The following PTK2 variants were observed in gnomAD, a reference collection of about 807,000 sequenced individuals.
PTK2 encodes protein tyrosine kinase 2.
A neutral mutation model predicts 150.1 loss-of-function variants in PTK2; 45 were observed. The ratio of observed to expected loss-of-function variants is 0.30; its 90% CI spans 0.24 to 0.38. The LOEUF (loss-of-function observed/expected upper bound fraction) is 0.38, where lower values mean the gene tolerates loss of function less well. Ranked by LOEUF, PTK2 falls within the 10% of genes least tolerant of loss-of-function variation. The pLI is 1.00. For synonymous variants in PTK2, 432 were observed against 449.2 expected, an observed-to-expected ratio of 0.96 and a Z score of 0.48; for missense variants, 919 against 1,307.3, an observed-to-expected ratio of 0.70 and a Z score of 4.58.
chr8:140,815,659 G>A (rs1458640011), intron 10 of PTK2, among the ~76,000 whole-genome samples: 1 of 151,838 alleles, frequency 6.6e-6, no homozygotes, highest in Non-Finnish European at 1.5e-5. Context: ...ACATAAAAAA[G>A]TCTAGATTAA....
At chr8:140,702,605 G>T (rs1126498) in exon 25 of PTK2, 1 of 1,613,978 alleles carries the variant, frequency 6.2e-7, no homozygotes, top group South Asian at 1.1e-5. Flanking sequence ...ATCTCCTGAG[G>T]TCTATGATTC....
chr8:140,902,515 G>A (rs770498230), intron 2 of PTK2, among the ~76,000 whole-genome samples: 2 of 152,128 alleles, frequency 1.3e-5, no homozygotes, highest in Non-Finnish European at 2.9e-5. Flanking sequence ...TCTGGTTCTA[G>A]ATCCTTGAGG....
chr8:140,867,769 C>T (rs781148682), intron 4 of PTK2, among the ~76,000 whole-genome samples: 1 of 152,184 alleles, frequency 6.6e-6, no homozygotes, highest in Non-Finnish European at 1.5e-5. Context: ...GAACTTTGTT[C>T]CCTGCTTCAA....
intron 21 of PTK2, among the ~76,000 whole-genome samples, chr8:140,737,850 C>A (rs2154410905): frequency 6.6e-6 from 1 of 152,292 alleles, no homozygotes; most frequent in African/African-American, 2.4e-5. Context: ...GTGGATCACA[C>A]AGATAATAAT....
At chr8:140,755,673 G>A (rs868150673) in intron 16 of PTK2, among the ~76,000 whole-genome samples, 30 of 152,024 alleles carry the variant, frequency 2.0e-4, no homozygotes, top group Admixed American at 2.0e-4. Flanking sequence ...TTTAGCGTAC[G>A]TCTTTTTTGC....
At chr8:140,951,978 C>T (rs1209298718) in intron 1 of PTK2, among the ~76,000 whole-genome samples, 4 of 151,856 alleles carry the variant, frequency 2.6e-5, no homozygotes, top group Admixed American at 2.0e-4. Context: ...TTTGTCATCT[C>T]ACCTCTCTTT....
chr8:140,780,177 T>C (rs1459329388), intron 14 of PTK2, among the ~76,000 whole-genome samples: 1 of 152,140 alleles, frequency 6.6e-6, no homozygotes, highest in Non-Finnish European at 1.5e-5. Context: ...GCATTCCAGC[T>C]AAACAAAGGG....
At chr8:140,802,201 C>A (rs1027114489) in intron 11 of PTK2, among the ~76,000 whole-genome samples, 2 of 151,946 alleles carry the variant, frequency 1.3e-5, no homozygotes, top group African/African-American at 2.4e-5. Flanking sequence ...CCCTGAAGAC[C>A]TCCCAGTGGG....
At chr8:140,992,930 G>A (rs998208743) in intron 1 of PTK2, among the ~76,000 whole-genome samples, 1 of 152,158 alleles carries the variant, frequency 6.6e-6, no homozygotes, top group South Asian at 2.1e-4. Flanking sequence ...GGGGCATAAT[G>A]TTAAACCTTT....
intron 2 of PTK2, among the ~76,000 whole-genome samples, chr8:140,923,471 G>A (rs750885467): frequency 6.6e-6 from 1 of 152,232 alleles, no homozygotes; most frequent in Non-Finnish European, 1.5e-5. Flanking sequence ...TCAAAGAGCT[G>A]CAAAATGAGG....
At chr8:140,942,989 C>T (rs879305384) in intron 1 of PTK2, among the ~76,000 whole-genome samples, 5 of 152,162 alleles carry the variant, frequency 3.3e-5, no homozygotes, top group Non-Finnish European at 5.9e-5. Flanking sequence ...TGCCATGTGA[C>T]GCATCTGCTC....
At chr8:140,732,717 G>A (rs2100050260) in intron 22 of PTK2, 1 of 367,298 alleles carries the variant, frequency 2.7e-6, no homozygotes, top group African/African-American at 2.2e-5. Flanking sequence ...GTGCTCAACA[G>A]TGTTTATCGA....
chr8:140,985,667 C>G (rs1016893571), intron 1 of PTK2, among the ~76,000 whole-genome samples: 1 of 152,180 alleles, frequency 6.6e-6, no homozygotes, highest in East Asian at 1.9e-4. Flanking sequence ...CCCGCCAGAA[C>G]CCCACAGTGC....
At chr8:140,787,611 T>G (rs1464586388) in intron 14 of PTK2, among the ~76,000 whole-genome samples, 1 of 152,180 alleles carries the variant, frequency 6.6e-6, no homozygotes, top group African/African-American at 2.4e-5. Flanking sequence ...TAAAAGAGAT[T>G]AGTAAAACAG....
intron 31 of PTK2, among the ~76,000 whole-genome samples, chr8:140,663,834 T>G (rs954739969): frequency 1.3e-5 from 2 of 152,004 alleles, no homozygotes; most frequent in African/African-American, 4.8e-5. Context: ...TTTAAAAATT[T>G]TTTGTAGAGA....
chr8:140,852,981 A>G (rs2100130258), intron 5 of PTK2, among the ~76,000 whole-genome samples: 1 of 152,198 alleles, frequency 6.6e-6, no homozygotes, highest in African/African-American at 2.4e-5. Context: ...CAACTGGTGA[A>G]AAAACTGGCC....
At chr8:140,906,004 T>C (rs568832745) in intron 2 of PTK2, among the ~76,000 whole-genome samples, 2 of 142,546 alleles carry the variant, frequency 1.4e-5, no homozygotes, top group South Asian at 2.2e-4. Flanking sequence ...ATCCTGTCTC[T>C]AAAAAAAAAA....
Position 140,960,831 on chromosome 8 carries a change from T to C in PTK2, c.-121-35082A>G, listed in dbSNP as rs940126727. ...CTCTGTCACTACTAAAAACACAAAA[T>C]TAGCCAGGCGTGGTGGCGCATGCCT... On this transcript the variant is annotated intron_variant, in intron 1 of 31. Transcript: ENST00000522684. 3.9e-5 allele frequency among the ~76,000 whole-genome samples: 6 copies of C among 152,166 alleles called. No homozygotes were observed. In the East Asian group the frequency reaches 7.7e-4, roughly 20 times the overall value.
intron 1 of PTK2, among the ~76,000 whole-genome samples, chr8:140,939,369 T>G (rs528155526): frequency 3.3e-5 from 5 of 152,200 alleles, no homozygotes; most frequent in Non-Finnish European, 7.4e-5. Context: ...GCTATTGATA[T>G]GTGTACTATA....
Sources: gnomAD v4.1 joint callset for allele counts (sites outside exome capture counted in the v4.1 genomes callset) on GRCh38, gnomAD v4.1.1 for gene constraint, MANE v1.5 for transcripts, NCBI Gene and HGNC (gene_info 2026-07-23, HGNC 2026-07-21) for gene names.